The following ROBO1 variants were observed in gnomAD, a reference collection of about 807,000 sequenced individuals.
ROBO1 encodes roundabout guidance receptor 1, also known as roundabout homolog 1.
ROBO1 carries 149 observed loss-of-function variants against 195.9 expected under a neutral mutation model. The observed-to-expected ratio is 0.76, with a 90% confidence interval of 0.67 to 0.87. ROBO1 has a LOEUF of 0.87. ROBO1 is among the 40% of genes least tolerant of loss of function. ROBO1 has a pLI of 0.00. For synonymous variants in ROBO1, 816 were observed against 733.2 expected (o/e 1.11, Z -1.82); for missense variants, 1,933 against 2,068.3 (o/e 0.93, Z 1.27).
chr3:78,810,370 G>A (rs1420012125), intron 4 of ROBO1, among the ~76,000 whole-genome samples: 13 of 152,030 alleles, frequency 8.6e-5, no homozygotes, highest in Non-Finnish European at 1.5e-5. Context: ...AATAGATACT[G>A]CACCAATTTG....
chr3:79,434,136 T>C (rs566378807), intron 2 of ROBO1, among the ~76,000 whole-genome samples: 3 of 152,168 alleles, frequency 2.0e-5, no homozygotes, highest in Admixed American at 6.5e-5. Flanking sequence ...TAGGCAATAC[T>C]ATTCAGGACA....
chr3:79,353,140 A>G (rs2035409469), intron 2 of ROBO1, among the ~76,000 whole-genome samples: 1 of 152,144 alleles, frequency 6.6e-6, no homozygotes, highest in South Asian at 2.1e-4. Context: ...CAGTGAGATA[A>G]CATTTTTTTA....
intron 3 of ROBO1, among the ~76,000 whole-genome samples, chr3:78,968,254 T>C (rs1212236102): frequency 6.6e-6 from 1 of 150,650 alleles, no homozygotes; most frequent in African/African-American, 2.4e-5. Flanking sequence ...TGTCACTTTA[T>C]AGGAACTGTA....
At chr3:78,881,873 T>G (rs2107263300) in intron 4 of ROBO1, among the ~76,000 whole-genome samples, 1 of 152,310 alleles carries the variant, frequency 6.6e-6, no homozygotes, top group East Asian at 1.9e-4. Context: ...ATTATACTTT[T>G]AATGGACATG....
chr3:79,430,536 G>A (rs1202365522), intron 2 of ROBO1, among the ~76,000 whole-genome samples: 1 of 152,118 alleles, frequency 6.6e-6, no homozygotes, highest in African/African-American at 2.4e-5. Context: ...GCCCCAAATA[G>A]CTGAAGTGCT....
chr3:79,010,858 T>C (rs534250102), intron 3 of ROBO1, among the ~76,000 whole-genome samples: 1 of 152,310 alleles, frequency 6.6e-6, no homozygotes, highest in South Asian at 2.1e-4. Flanking sequence ...GATATCTGAA[T>C]GAAAGCTTTA....
intron 1 of ROBO1, among the ~76,000 whole-genome samples, chr3:79,618,441 C>T (rs555518858): frequency 6.6e-6 from 1 of 152,080 alleles, no homozygotes; most frequent in Non-Finnish European, 1.5e-5. Flanking sequence ...ATTTGTCCTG[C>T]CCCACCCTAA....
chr3:79,557,730 TAAAAC>T (rs199852632), intron 2 of ROBO1, among the ~76,000 whole-genome samples: 12 of 110,546 alleles, frequency 1.1e-4, no homozygotes, highest in Admixed American at 3.4e-4. Flanking sequence ...GAGACTGTCT[TAAAAC>T]AAAAAAAAAT....
intron 2 of ROBO1, among the ~76,000 whole-genome samples, chr3:79,236,119 G>T (rs1222951467): frequency 6.6e-6 from 1 of 152,018 alleles, no homozygotes; most frequent in African/African-American, 2.4e-5. Context: ...TTCAATGCTA[G>T]ATCCTTTCTA....
chr3:78,933,948 TTTAC>T (rs1410369802), intron 4 of ROBO1, among the ~76,000 whole-genome samples: 4 of 152,116 alleles, frequency 2.6e-5, no homozygotes, highest in Admixed American at 6.5e-5. Context: ...AAGTATATTG[TTTAC>T]TTAATCAGAA....
intron 2 of ROBO1, among the ~76,000 whole-genome samples, chr3:79,306,613 C>T (rs996092573): frequency 3.9e-5 from 6 of 152,062 alleles, no homozygotes; most frequent in Non-Finnish European, 8.8e-5. Flanking sequence ...CCAGTGAAAG[C>T]GAAAAGCAAG....
chr3:78,610,571 C>T (rs1226055099), intron 28 of ROBO1, among the ~76,000 whole-genome samples: 2 of 152,092 alleles, frequency 1.3e-5, no homozygotes, highest in African/African-American at 4.8e-5. Flanking sequence ...ATGACTGCCA[C>T]TATCATCAAA....
At chr3:79,490,681 C>T (rs1458707989) in intron 2 of ROBO1, among the ~76,000 whole-genome samples, 22 of 152,174 alleles carry the variant, frequency 1.4e-4, no homozygotes, top group Admixed American at 1.4e-3. Context: ...GCCTTCCCTG[C>T]AGCTGACTTG....
At chr3:78,790,058 T>C (rs1205688183) in intron 4 of ROBO1, among the ~76,000 whole-genome samples, 3 of 152,198 alleles carry the variant, frequency 2.0e-5, no homozygotes, top group Non-Finnish European at 4.4e-5. Flanking sequence ...ATTGTCCACA[T>C]ACCATGAACC....
At chr3:78,886,229 AATACTT>A (rs946824408) in intron 4 of ROBO1, among the ~76,000 whole-genome samples, 17 of 152,212 alleles carry the variant, frequency 1.1e-4, no homozygotes, top group African/African-American at 3.9e-4. Context: ...TTAAAAGAAT[AATACTT>A]ATACTTCGAG....
chr3:79,454,494 A>C (rs917979621), intron 2 of ROBO1, among the ~76,000 whole-genome samples: 1 of 152,134 alleles, frequency 6.6e-6, no homozygotes, highest in Non-Finnish European at 1.5e-5. Context: ...CAATTTATTT[A>C]ACCTGCCTTT....
intron 1 of ROBO1, among the ~76,000 whole-genome samples, chr3:79,630,200 A>G (rs1456697968): frequency 2.0e-5 from 3 of 152,050 alleles, no homozygotes; most frequent in East Asian, 1.9e-4. Context: ...GAAGAAAACT[A>G]TAGGCCAATA....
intron 3 of ROBO1, among the ~76,000 whole-genome samples, chr3:79,030,440 T>G (rs995844844): frequency 1.3e-5 from 2 of 152,206 alleles, no homozygotes; most frequent in Admixed American, 1.3e-4. Flanking sequence ...CTAGTTAAAC[T>G]TTAATATACA....
At chr3:78,796,679 C>T (rs542739054) in intron 4 of ROBO1, among the ~76,000 whole-genome samples, 1 of 152,180 alleles carries the variant, frequency 6.6e-6, no homozygotes, top group Non-Finnish European at 1.5e-5. Context: ...TCCTGACAAT[C>T]TTAATTTTAA....
Sources: allele counts gnomAD v4.1 joint callset (sites outside exome capture counted in the v4.1 genomes callset), GRCh38; gene constraint gnomAD v4.1.1; transcripts MANE v1.5; gene names NCBI Gene and HGNC (gene_info 2026-07-23, HGNC 2026-07-21).